AGAP1: variants seen among roughly 807,000 people sequenced by gnomAD.
The protein encoded by AGAP1 is ArfGAP with GTPase domain, ankyrin repeat and PH domain 1, also known as arf-GAP with GTPase, ANK repeat and PH domain-containing protein 1.
Under a neutral mutation model 105.3 loss-of-function variants are expected in AGAP1, and 29 were observed. That is an observed-to-expected ratio of 0.28 (90% CI 0.21 to 0.38). AGAP1 has a LOEUF of 0.38. Among genes scored for constraint, AGAP1 ranks in the 10% least tolerant of loss-of-function variants. The probability of loss-of-function intolerance (pLI) is 1.00; values close to 1 mark genes in which losing one functional copy is unlikely to be tolerated. For synonymous variants in AGAP1, 509 were observed against 485.9 expected (o/e 1.05, Z -0.63); for missense variants, 998 against 1,165.1 (o/e 0.86, Z 2.09).
chr2:235,745,879 G>A lies in AGAP1; in HGVS notation c.538+1040G>A, dbSNP rs143108294. Among the ~76,000 whole-genome samples the A allele has an allele frequency of 3.7e-3, 568 of 152,322 alleles. 2 individuals carry two copies. The highest frequency in any genetic ancestry group is 0.013 in the African/African-American group (544 of 41,584). ...GTGGTGGCTCACGCCTGTAATTCCA[G>A]CACTTTGGGAGGCCCAGGCAGGTGG... On this transcript the variant is annotated intron_variant, in intron 5 of 17. Coordinates refer to ENST00000304032, the MANE Select transcript of AGAP1 (RefSeq NM_001037131.3).
At position 236,077,385 on chromosome 2, in the gene AGAP1, C is replaced by A. The variant is rs2058668972; in HGVS notation, c.2114+28104C>A. Among the ~76,000 whole-genome samples the A allele has an allele frequency of 2.0e-5, 3 of 149,132 alleles. No individual in the cohort carries two copies. The South Asian group carries it at 6.4e-4, about 32-fold the overall frequency. Reference sequence around the variant, plus strand: ...CCAGGCTGGAGTGCAGTGGCGCGATCTCAGCTCACTGCAACCTCCGCCTCC... The same window carrying A: ...CCAGGCTGGAGTGCAGTGGCGCGATATCAGCTCACTGCAACCTCCGCCTCC... On this transcript the variant is annotated intron_variant, in intron 16 of 17. Transcript: ENST00000304032.
At chr2:235,940,965 G>A (rs1390711560) in intron 12 of AGAP1, among the ~76,000 whole-genome samples, 1 of 152,308 alleles carries the variant, frequency 6.6e-6, no homozygotes, top group South Asian at 2.1e-4. Flanking sequence ...GCAGGGGTGG[G>A]GTGGCTTGGT....
intron 13 of AGAP1, among the ~76,000 whole-genome samples, chr2:235,972,472 G>A (rs868398840): frequency 9.2e-5 from 14 of 152,306 alleles, no homozygotes; most frequent in Non-Finnish European, 1.5e-4. Context: ...GCAGAGATGC[G>A]GGGAGAAAGT....
chr2:235,743,486 C>G (rs935429490), intron 4 of AGAP1, among the ~76,000 whole-genome samples: 16 of 152,102 alleles, frequency 1.1e-4, no homozygotes, highest in Non-Finnish European at 2.9e-5. Context: ...CTTCCGTCAG[C>G]CTTGGTCCTG....
At chr2:235,756,100 A>G (rs1226144202) in intron 6 of AGAP1, among the ~76,000 whole-genome samples, 1 of 152,124 alleles carries the variant, frequency 6.6e-6, no homozygotes, top group Non-Finnish European at 1.5e-5. Flanking sequence ...ATTCTTGGAG[A>G]TGGTGCATTC....
intron 12 of AGAP1, among the ~76,000 whole-genome samples, chr2:235,955,881 C>A (rs1344248519): frequency 6.6e-6 from 1 of 152,182 alleles, no homozygotes; most frequent in African/African-American, 2.4e-5. Context: ...AAGCCCCTCG[C>A]TGTACTGGCC....
At chr2:236,111,355 C>CA (rs11464598) in intron 16 of AGAP1, among the ~76,000 whole-genome samples, 5,500 of 144,778 alleles carry the variant, frequency 0.038, 306 homozygotes, top group African/African-American at 0.13. Context: ...CCTATCTCTA[C>CA]AAAAAAAAAA....
Position 235,705,973 on chromosome 2 carries a change from A to G in AGAP1, c.164-3206A>G, listed in dbSNP as rs1484101478. The stretch of plus-strand genomic sequence containing the variant: ...ATGAATAGAGCTCATTTTAATTCAC[A>G]GTTTACCCTCTTTGTTTTACTATTA... On this transcript the variant is annotated intron_variant, in intron 1 of 17. Coordinates refer to ENST00000304032, the MANE Select transcript of AGAP1 (RefSeq NM_001037131.3). This position sits in a 1 kb window ranked among gnomAD's most constrained non-coding sequence, Gnocchi z 4.9. Among the ~76,000 whole-genome samples the G allele has an allele frequency of 6.6e-6, 1 of 152,218 alleles. No individual in the cohort carries two copies. Among genetic ancestry groups the G allele is most frequent in the Non-Finnish European group, 1.5e-5 (1 of 68,042 alleles).
At chr2:235,998,077 T>G (rs923758252) in intron 13 of AGAP1, among the ~76,000 whole-genome samples, 5 of 152,184 alleles carry the variant, frequency 3.3e-5, no homozygotes, top group African/African-American at 1.2e-4. Context: ...TGACCAACTT[T>G]GAGTTTTGCC....
rs1952288786 is a variant in AGAP1, at chr2:235,736,916, T to G, written c.311-4047T>G. 6.6e-6 allele frequency among the ~76,000 whole-genome samples: 1 copy of G among 152,114 alleles called. No homozygotes were observed. The highest frequency in any genetic ancestry group is 2.4e-5 in the African/African-American group (1 of 41,408). On this transcript the variant is annotated intron_variant, in intron 3 of 17. Transcript: ENST00000304032. This position sits in a 1 kb window ranked among gnomAD's most constrained non-coding sequence, Gnocchi z 5.5. The stretch of plus-strand genomic sequence containing the variant: ...GGATGAGATCTGATGAAATGGTAGG[T>G]TGAATTTAAAATGGTGCAAGTGGTG...
chr2:235,918,023 T>C (rs554839245), intron 11 of AGAP1, among the ~76,000 whole-genome samples: 1 of 152,288 alleles, frequency 6.6e-6, no homozygotes, highest in South Asian at 2.1e-4. Flanking sequence ...CTAGAAAACA[T>C]TATAATAACT....
intron 1 of AGAP1, among the ~76,000 whole-genome samples, chr2:235,581,527 C>G (rs1944933197): frequency 6.7e-6 from 1 of 150,108 alleles, no homozygotes; most frequent in Admixed American, 6.7e-5. Flanking sequence ...AGAAAATAGG[C>G]TGGGTACAGT....
intron 1 of AGAP1, among the ~76,000 whole-genome samples, chr2:235,702,940 T>G (rs1183307322): frequency 1.4e-5 from 2 of 138,384 alleles, no homozygotes; most frequent in Non-Finnish European, 3.1e-5. Flanking sequence ...CTTGGTTTTT[T>G]TTTTTTGGAC....
chr2:235,951,919 ATCTAC>A lies in AGAP1; in HGVS notation c.1484-16540_1484-16536del, dbSNP rs145747865. On this transcript the variant is annotated intron_variant, in intron 12 of 17. Coordinates refer to ENST00000304032, the MANE Select transcript of AGAP1 (RefSeq NM_001037131.3). The surrounding 1 kb of genome is among the most constrained non-coding windows in gnomAD (Gnocchi z 4.2). ...TGGTGGAAACAAATGGTCCACCCTG[ATCTAC>A]TCATTTACCATCTGGTTTGGGGAAC... Among the ~76,000 whole-genome samples the A allele has an allele frequency of 0.017, 2,520 of 152,270 alleles. 77 individuals are homozygous for A. Among genetic ancestry groups the A allele is most frequent in the African/African-American group, 0.058 (2,394 of 41,542 alleles).
In AGAP1 at chr2:235,995,065, CAAAAAAAAAAAAAAAA is replaced by C. The variant is rs58097220; in HGVS notation, c.1645+26456_1645+26471del. 4.8e-3 allele frequency among the ~76,000 whole-genome samples: 295 copies of C among 60,970 alleles called. 2 individuals carry two copies. Among genetic ancestry groups the C allele is most frequent in the African/African-American group, 0.017 (272 of 15,850 alleles). The allele number at this position is 60,970 out of a possible 152,430, so 40.0% of individuals were successfully genotyped here. ...AGGGAGACAGTACAAGACTCTGTCT[CAAAAAAAAAAAAAAAA>C]AAAAAAAAAAAAACAGAATAAGATA... On this transcript the variant is annotated intron_variant, in intron 13 of 17. Coordinates refer to ENST00000304032, the MANE Select transcript of AGAP1 (RefSeq NM_001037131.3).
At chr2:235,762,970 A>G (rs769226349) in intron 6 of AGAP1, among the ~76,000 whole-genome samples, 2 of 151,740 alleles carry the variant, frequency 1.3e-5, no homozygotes, top group Non-Finnish European at 2.9e-5. Flanking sequence ...TTTAAAGGAT[A>G]TAAAATATGG....
chr2:235,675,178 GTTGGTTGGTTGGT>G (rs1387220140), intron 1 of AGAP1, among the ~76,000 whole-genome samples: 2 of 137,826 alleles, frequency 1.5e-5, no homozygotes, highest in Non-Finnish European at 3.0e-5. Context: ...TGGTTGGTTG[GTTGGTTGGTTGGT>G]TTTTTTTTTT....
chr2:235,614,751 CT>C lies in AGAP1; in HGVS notation c.164-94424del, dbSNP rs1157132919. On this transcript the variant is annotated intron_variant, in intron 1 of 17. Coordinates refer to ENST00000304032, the MANE Select transcript of AGAP1 (RefSeq NM_001037131.3). The surrounding 1 kb of genome is among the most constrained non-coding windows in gnomAD (Gnocchi z 4.7). The stretch of plus-strand genomic sequence containing the variant: ...GCTAACTCAGTATTCACCGTGAATT[CT>C]TTTGTGGGAAATAGAACACAGCGTT... Among the ~76,000 whole-genome samples, 1 of 152,180 alleles carries C rather than the reference CT, an allele frequency of 6.6e-6. No individual in the cohort carries two copies. Among genetic ancestry groups the C allele is most frequent in the East Asian group, 1.9e-4 (1 of 5,200 alleles).
intron 11 of AGAP1, among the ~76,000 whole-genome samples, chr2:235,929,603 G>A (rs141297960): frequency 1.3e-3 from 190 of 151,138 alleles, no homozygotes; most frequent in African/African-American, 3.6e-3. Context: ...GCTTCAGCTC[G>A]TGGTTCCGTG....
Sources: gnomAD v4.1 joint callset for allele counts (sites outside exome capture counted in the v4.1 genomes callset) on GRCh38, gnomAD v4.1.1 for gene constraint, Gnocchi (gnomAD v3.1) non-coding constraint, MANE v1.5 for transcripts, NCBI Gene and HGNC (gene_info 2026-07-23, HGNC 2026-07-21) for gene names.